The following RNF150 variants were observed in gnomAD, a reference collection of about 807,000 sequenced individuals.
RNF150 encodes ring finger protein 150.
Under a neutral mutation model 39.3 loss-of-function variants are expected in RNF150, and 24 were observed. The observed-to-expected ratio is 0.61, with a 90% confidence interval of 0.44 to 0.86. The LOEUF (loss-of-function observed/expected upper bound fraction) is 0.86, where lower values mean the gene tolerates loss of function less well. RNF150 is among the 40% of genes least tolerant of loss of function. RNF150 has a pLI of 0.00. For synonymous variants in RNF150, 255 were observed against 227.3 expected, an observed-to-expected ratio of 1.12 and a Z score of -1.10; for missense variants, 502 against 587.8, an observed-to-expected ratio of 0.85 and a Z score of 1.51.
chr4:141,075,230 A>C (rs888836214), intron 1 of RNF150, among the ~76,000 whole-genome samples: 1 of 152,224 alleles, frequency 6.6e-6, no homozygotes, highest in Non-Finnish European at 1.5e-5. Flanking sequence ...CAACTATTCA[A>C]CTCTGCACTG....
intron 1 of RNF150, among the ~76,000 whole-genome samples, chr4:141,101,098 T>C (rs1156491416): frequency 2.0e-5 from 3 of 152,196 alleles, no homozygotes; most frequent in Admixed American, 6.5e-5. Flanking sequence ...ATAAACACTA[T>C]ATACTCAGGC....
chr4:141,152,054 T>G (rs1370751626), intron 1 of RNF150, among the ~76,000 whole-genome samples: 1 of 152,232 alleles, frequency 6.6e-6, no homozygotes, highest in African/African-American at 2.4e-5. Flanking sequence ...AATTGTCATT[T>G]GATCAATTTT....
intron 1 of RNF150, among the ~76,000 whole-genome samples, chr4:141,053,302 A>G (rs1736848450): frequency 6.6e-6 from 1 of 152,226 alleles, no homozygotes; most frequent in African/African-American, 2.4e-5. Context: ...ACACTTGTCA[A>G]TAAAATGAGA....
intron 1 of RNF150, among the ~76,000 whole-genome samples, chr4:141,086,324 TTTTCTTTTTTTG>T (rs1738365780): frequency 6.6e-6 from 1 of 152,154 alleles, no homozygotes; most frequent in Non-Finnish European, 1.5e-5. Flanking sequence ...GTCTACTAGG[TTTTCTTTTTTTG>T]TTTAAGATCT....
At chr4:141,119,286 T>G (rs2111081861) in intron 1 of RNF150, among the ~76,000 whole-genome samples, 1 of 152,348 alleles carries the variant, frequency 6.6e-6, no homozygotes, top group South Asian at 2.1e-4. Context: ...TCTGGCCCAC[T>G]GATTTTAAAT....
chr4:141,175,817 GA>G (rs1405670491), intron 1 of RNF150, among the ~76,000 whole-genome samples: 1 of 152,176 alleles, frequency 6.6e-6, no homozygotes, highest in African/African-American at 2.4e-5. Flanking sequence ...GCTGGATGCA[GA>G]TTGCTAACTT....
intron 1 of RNF150, among the ~76,000 whole-genome samples, chr4:141,164,881 C>A (rs1727573918): frequency 2.0e-5 from 3 of 152,278 alleles, no homozygotes; most frequent in Non-Finnish European, 4.4e-5. Context: ...CTATAAGAAA[C>A]TGCATCAACT....
At chr4:141,177,420 A>C (rs1479051679) in intron 1 of RNF150, among the ~76,000 whole-genome samples, 1 of 151,582 alleles carries the variant, frequency 6.6e-6, no homozygotes, top group Non-Finnish European at 1.5e-5. Flanking sequence ...AAATTTGATT[A>C]TCTCTCTCTC....
chr4:140,951,427 G>A (rs1293765877), intron 2 of RNF150, among the ~76,000 whole-genome samples: 1 of 152,022 alleles, frequency 6.6e-6, no homozygotes, highest in Admixed American at 6.6e-5. Flanking sequence ...ACACATGTGT[G>A]CGCATACACA....
chr4:141,160,069 T>C (rs1488786077), intron 1 of RNF150, among the ~76,000 whole-genome samples: 2 of 152,154 alleles, frequency 1.3e-5, no homozygotes, highest in Non-Finnish European at 2.9e-5. Flanking sequence ...TGGTAAGAAA[T>C]GCAAATTGTC....
intron 1 of RNF150, among the ~76,000 whole-genome samples, chr4:141,184,018 T>C (rs1727958599): frequency 6.6e-6 from 1 of 152,238 alleles, no homozygotes; most frequent in South Asian, 2.1e-4. Flanking sequence ...TTTGGGTATA[T>C]ACCCAGTAAT....
intron 1 of RNF150, among the ~76,000 whole-genome samples, chr4:141,067,664 C>A (rs933376691): frequency 1.3e-5 from 2 of 152,062 alleles, no homozygotes; most frequent in Non-Finnish European, 2.9e-5. Context: ...CAATCAATAC[C>A]ACCTCATAAT....
chr4:140,990,261 A>T (rs1227411962), intron 1 of RNF150, among the ~76,000 whole-genome samples: 1 of 152,156 alleles, frequency 6.6e-6, no homozygotes, highest in Non-Finnish European at 1.5e-5. Context: ...TGCTTATTCG[A>T]GAAATTACCA....
At chr4:140,873,411 T>C (rs749736662) in intron 6 of RNF150, among the ~76,000 whole-genome samples, 4 of 151,460 alleles carry the variant, frequency 2.6e-5, no homozygotes, top group African/African-American at 4.9e-5. Context: ...AGGAAGGTAA[T>C]CCCCCCAAAG....
At chr4:140,871,514 T>C (rs1262578334) in intron 6 of RNF150, among the ~76,000 whole-genome samples, 1 of 152,184 alleles carries the variant, frequency 6.6e-6, no homozygotes, top group Non-Finnish European at 1.5e-5. Flanking sequence ...TTCCACTTCT[T>C]TTCTTGCAGT....
intron 1 of RNF150, among the ~76,000 whole-genome samples, chr4:141,093,365 C>CAAAA (rs71584393): frequency 1.2e-5 from 1 of 80,040 alleles, no homozygotes; most frequent in Non-Finnish European, 2.3e-5. Flanking sequence ...GACTCCATCT[C>CAAAA]AAAAAAAAAA....
intron 1 of RNF150, among the ~76,000 whole-genome samples, chr4:141,115,715 G>A (rs562940049): frequency 1.3e-5 from 2 of 152,152 alleles, no homozygotes; most frequent in Non-Finnish European, 2.9e-5. Flanking sequence ...CAAAGCTGGA[G>A]GCACCATTTT....
chr4:140,939,066 AAGTCT>A (rs1463016575), intron 4 of RNF150, among the ~76,000 whole-genome samples: 1 of 152,184 alleles, frequency 6.6e-6, no homozygotes, highest in Non-Finnish European at 1.5e-5. Flanking sequence ...GTCCTTTTCC[AAGTCT>A]CCAGGTCTAT....
At chr4:141,088,292 TG>T (rs1281246678) in intron 1 of RNF150, among the ~76,000 whole-genome samples, 1 of 152,178 alleles carries the variant, frequency 6.6e-6, no homozygotes, top group Non-Finnish European at 1.5e-5. Context: ...TCCAGTCTCC[TG>T]ATTTCTTCTT....
Sources: gnomAD v4.1 joint callset for allele counts (sites outside exome capture counted in the v4.1 genomes callset) on GRCh38, gnomAD v4.1.1 for gene constraint, MANE v1.5 for transcripts, NCBI Gene and HGNC (gene_info 2026-07-23, HGNC 2026-07-21) for gene names.